The following PPP3R1 variants were observed in gnomAD, a reference collection of about 807,000 sequenced individuals.
PPP3R1 encodes the protein calcineurin subunit B type 1.
Under a neutral mutation model 22.6 loss-of-function variants are expected in PPP3R1, and 5 were observed. That is an observed-to-expected ratio of 0.22 (90% CI 0.12 to 0.46). PPP3R1 has a LOEUF of 0.46. Among genes scored for constraint, PPP3R1 ranks in the 20% least tolerant of loss-of-function variants. PPP3R1 has a pLI of 0.99. For missense variants in PPP3R1, 61 were observed against 203.2 expected, an observed-to-expected ratio of 0.30 and a Z score of 4.25; for synonymous variants, 56 against 65.2, an observed-to-expected ratio of 0.86 and a Z score of 0.68.
chr2:68,215,916 G>T (rs1460346447), intron 2 of PPP3R1, among the ~76,000 whole-genome samples: 1 of 152,146 alleles, frequency 6.6e-6, no homozygotes, highest in African/African-American at 2.4e-5. Flanking sequence ...TCCTTGTCTT[G>T]TATTAGTAAA....
chr2:68,234,258 G>C (rs923649724), intron 1 of PPP3R1, among the ~76,000 whole-genome samples: 1 of 152,060 alleles, frequency 6.6e-6, no homozygotes, highest in African/African-American at 2.4e-5. Context: ...CAGGAGAATG[G>C]CGTGAACCTG....
intron 1 of PPP3R1, among the ~76,000 whole-genome samples, chr2:68,231,114 A>C (rs557788216): frequency 3.9e-5 from 6 of 152,118 alleles, no homozygotes; most frequent in Non-Finnish European, 7.4e-5. Flanking sequence ...GACTCTAACG[A>C]CACAAGTGTT....
At chr2:68,234,771 T>C (rs191773555) in intron 1 of PPP3R1, among the ~76,000 whole-genome samples, 2 of 152,252 alleles carry the variant, frequency 1.3e-5, no homozygotes, top group African/African-American at 2.4e-5. Flanking sequence ...TAAAAACATA[T>C]ATAATAACCC....
At chr2:68,216,769 G>A (rs765846073) in intron 2 of PPP3R1, among the ~76,000 whole-genome samples, 1 of 152,182 alleles carries the variant, frequency 6.6e-6, no homozygotes, top group Non-Finnish European at 1.5e-5. Flanking sequence ...AGAGAAAAGA[G>A]TTCCTACAAA....
chr2:68,249,256 C>A (rs979559398), intron 1 of PPP3R1, among the ~76,000 whole-genome samples: 2 of 151,912 alleles, frequency 1.3e-5, no homozygotes, highest in African/African-American at 4.8e-5. Flanking sequence ...GATAAATTTT[C>A]TCAGGACAGA....
intron 1 of PPP3R1, among the ~76,000 whole-genome samples, chr2:68,238,415 C>G (rs535412381): frequency 6.6e-6 from 1 of 152,048 alleles, no homozygotes; most frequent in Admixed American, 6.6e-5. Context: ...AGAGACATTG[C>G]CAACAGAAGA....
At chr2:68,224,663 A>AG (rs1352729993) in intron 1 of PPP3R1, among the ~76,000 whole-genome samples, 12 of 148,062 alleles carry the variant, frequency 8.1e-5, no homozygotes, top group African/African-American at 3.2e-4. Flanking sequence ...GACTCGTCTC[A>AG]GGAAAAAAAA....
chr2:68,239,742 T>TC (rs1312776287), intron 1 of PPP3R1, among the ~76,000 whole-genome samples: 2 of 152,098 alleles, frequency 1.3e-5, no homozygotes, highest in African/African-American at 4.8e-5. Flanking sequence ...ATGTGTAGGG[T>TC]CCTATGCTGG....
At chr2:68,197,119 CAT>C in intron 2 of PPP3R1, among the ~76,000 whole-genome samples, 1 of 152,260 alleles carries the variant, frequency 6.6e-6, no homozygotes, top group South Asian at 2.1e-4. Flanking sequence ...TTGACAAATG[CAT>C]ATACCTATGG....
At chr2:68,229,621 C>A (rs569759556) in intron 1 of PPP3R1, among the ~76,000 whole-genome samples, 2 of 152,162 alleles carry the variant, frequency 1.3e-5, no homozygotes, top group African/African-American at 4.8e-5. Flanking sequence ...GATTGATTAA[C>A]CCTTTTATCA....
At chr2:68,187,346 G>C in intron 3 of PPP3R1, 32 bp from the exon 4 acceptor site, 1 of 1,560,710 alleles carries the variant, frequency 6.4e-7, no homozygotes, top group Non-Finnish European at 8.8e-7. Flanking sequence ...TCACAAATCA[G>C]AACTTCCAAT....
At chr2:68,191,160 C>T (rs1674658732) in intron 2 of PPP3R1, among the ~76,000 whole-genome samples, 1 of 152,132 alleles carries the variant, frequency 6.6e-6, no homozygotes, top group African/African-American at 2.4e-5. Flanking sequence ...AGTCACTTAA[C>T]GATGGGGTTA....
chr2:68,186,436 A>C, intron 5 of PPP3R1, 32 bp downstream of exon 5: 1 of 1,553,984 alleles, frequency 6.4e-7, no homozygotes, highest in Admixed American at 1.9e-5. Context: ...CTGAAACATA[A>C]CTAACGGAAG....
At position 68,252,316 on chromosome 2, in the gene PPP3R1, G is replaced by T; in HGVS notation, c.-189C>A. 1 of 1,022,626 alleles carries T rather than the reference G, an allele frequency of 9.8e-7. No homozygotes were observed. The highest frequency in any genetic ancestry group is 1.7e-5 in the African/African-American group (1 of 58,038). 63.3% of individuals were successfully genotyped at this position (1,022,626 alleles called of 1,614,324 possible). Reference sequence around the variant, plus strand: ...CGGCCGGGCGATTGGGCACGCGAGGGAGCGGGCAGGGTAGGGGGAAATAAA... The same window carrying T: ...CGGCCGGGCGATTGGGCACGCGAGGTAGCGGGCAGGGTAGGGGGAAATAAA... On this transcript the variant is annotated 5_prime_UTR_variant, in exon 1 of 6. Transcript: ENST00000234310.
rs776299718 is a variant in PPP3R1, at chr2:68,244,849, C to T, written c.3+7276G>A. Among the ~76,000 whole-genome samples, 127 of 152,050 alleles carry T rather than the reference C, an allele frequency of 8.4e-4. 2 individuals carry two copies. Among genetic ancestry groups the T allele is most frequent in the Non-Finnish European group, 1.1e-3 (77 of 68,014 alleles). On this transcript the variant is annotated intron_variant, in intron 1 of 5. Coordinates refer to ENST00000234310, the MANE Select transcript of PPP3R1 (RefSeq NM_000945.4). ...ACTTCACATACTCCTTCAAATAGTACTTAACATCTACCATATACCAAGTAT... is the reference window on the plus strand; with the variant it reads ...ACTTCACATACTCCTTCAAATAGTATTTAACATCTACCATATACCAAGTAT...
At chr2:68,246,734 T>C (rs1329027064) in intron 1 of PPP3R1, among the ~76,000 whole-genome samples, 1 of 152,224 alleles carries the variant, frequency 6.6e-6, no homozygotes, top group African/African-American at 2.4e-5. Flanking sequence ...CCTGCCTTTT[T>C]ACATGCACCA....
At chr2:68,194,553 A>C (rs1328699673) in intron 2 of PPP3R1, among the ~76,000 whole-genome samples, 3 of 152,136 alleles carry the variant, frequency 2.0e-5, no homozygotes, top group Non-Finnish European at 2.9e-5. Flanking sequence ...TCTCCCTTAT[A>C]TATTTCTCTC....
rs578169646 is a variant in PPP3R1 at position 68,245,755 on chromosome 2, T to C, written c.3+6370A>G. On this transcript the variant is annotated intron_variant, in intron 1 of 5. Transcript: ENST00000234310. Reference sequence around the variant, plus strand: ...CTTTCCAAGTCACCCAGCATCTTATTTCCAGATTAATCAATGGTTCCCCAA... The same window carrying C: ...CTTTCCAAGTCACCCAGCATCTTATCTCCAGATTAATCAATGGTTCCCCAA... 3.3e-5 allele frequency among the ~76,000 whole-genome samples: 5 copies of C among 152,340 alleles called. No individual in the cohort carries two copies. In the East Asian group the frequency reaches 9.6e-4, roughly 29 times the overall value.
chr2:68,235,691 CAT>C (rs756477990), intron 1 of PPP3R1, among the ~76,000 whole-genome samples: 42 of 152,132 alleles, frequency 2.8e-4, no homozygotes, highest in Non-Finnish European at 4.3e-4. Flanking sequence ...CTTCATTTCA[CAT>C]GTTTCATTTC....
Sources: allele counts gnomAD v4.1 joint callset (sites outside exome capture counted in the v4.1 genomes callset), GRCh38; gene constraint gnomAD v4.1.1; transcripts MANE v1.5; gene names NCBI Gene and HGNC (gene_info 2026-07-23, HGNC 2026-07-21).